The following AMDHD2 variants were observed in gnomAD, a reference collection of about 807,000 sequenced individuals.
AMDHD2 encodes the protein amidohydrolase domain containing 2.
AMDHD2 carries 24 observed loss-of-function variants against 41.8 expected under a neutral mutation model. The observed-to-expected ratio is 0.57, with a 90% confidence interval of 0.42 to 0.81. The LOEUF (loss-of-function observed/expected upper bound fraction) is 0.81, where lower values mean the gene tolerates loss of function less well. Among genes scored for constraint, AMDHD2 ranks in the 30% least tolerant of loss-of-function variants. AMDHD2 has a pLI of 0.00. For synonymous variants in AMDHD2, 332 were observed against 255.5 expected (o/e 1.30, Z -2.85); for missense variants, 540 against 588.5 (o/e 0.92, Z 0.85).
Position 2,527,526 on chromosome 16 carries a change from TG to T in AMDHD2, c.361-30del. On this transcript the variant is annotated intron_variant, in intron 3 of 10. Transcript: ENST00000293971. The surrounding 1 kb of genome is among the most constrained non-coding windows in gnomAD (Gnocchi z 6.1). The stretch of plus-strand genomic sequence containing the variant: ...GGCTGTGGCCTCTGGGAATGGGCTG[TG>T]GGGGACAGGGCTTTAACAGCTGGTT... The T allele has an allele frequency of 1.9e-6, 3 of 1,601,836 alleles. No homozygotes were observed. Among genetic ancestry groups the T allele is most frequent in the Non-Finnish European group, 2.6e-6 (3 of 1,174,666 alleles).
intron 3 of AMDHD2, among the ~76,000 whole-genome samples, chr16:2,521,612 T>C (rs1005446692): frequency 8.5e-5 from 13 of 152,156 alleles, no homozygotes; most frequent in African/African-American, 3.1e-4. Context: ...GGAAGAAATT[T>C]GGTTGTCCTT....
intron 3 of AMDHD2, among the ~76,000 whole-genome samples, chr16:2,522,510 T>C (rs1596990926): frequency 1.3e-5 from 2 of 152,180 alleles, no homozygotes; most frequent in East Asian, 3.9e-4. Flanking sequence ...ACCCCGTCTC[T>C]ACTAAAAATA....
chr16:2,529,415 C>T, intron 10 of AMDHD2, 60 bp from the exon 11 acceptor site: 2 of 1,598,884 alleles, frequency 1.3e-6, no homozygotes, highest in Admixed American at 3.3e-5. Flanking sequence ...TGGGGAGCAG[C>T]TCTGGGGTAG....
In AMDHD2 at chr16:2,520,811, G is replaced by C. The variant is rs769452568; in HGVS notation, c.126G>C (p.Glu42Asp). The change falls in exon 2 of 11, where the codon GAG becomes GAC. Residue 42 changes from glutamate to aspartate, a missense_variant. Glu to Asp is a conservative substitution (Grantham distance 45). Transcript: ENST00000293971. ...GCGGAGGCCGCATCTTGGACCCAGA[G>C]AAGCTGTTCTTTGAGGAGCGGCGCG... is the stretch of plus-strand genomic sequence containing the variant. ...WVRGGRILDP[E>D]KLFFEERRVA... The C allele has an allele frequency of 6.2e-7, 1 of 1,610,574 alleles. No individual in the cohort carries two copies. Among genetic ancestry groups the C allele is most frequent in the African/African-American group, 1.3e-5 (1 of 74,916 alleles).
intron 3 of AMDHD2, among the ~76,000 whole-genome samples, chr16:2,521,541 C>G (rs1202021815): frequency 6.6e-6 from 1 of 152,156 alleles, no homozygotes; most frequent in African/African-American, 2.4e-5. Flanking sequence ...ACACGCCTTC[C>G]AGAAGAGACT....
In AMDHD2 at chr16:2,530,265, C is replaced by G. The variant is rs771936166; in HGVS notation, c.*702C>G. The G allele has an allele frequency of 2.9e-5, 46 of 1,611,226 alleles. No homozygotes were observed. Among genetic ancestry groups the G allele is most frequent in the Non-Finnish European group, 3.5e-5 (41 of 1,178,862 alleles). On this transcript the variant is annotated 3_prime_UTR_variant, in exon 11 of 11. Coordinates refer to ENST00000293971, the MANE Select transcript of AMDHD2 (RefSeq NM_001330449.2). ...TCTTCACACATCCCCAGGCCCAGTG[C>G]TTGCCGGCTGTGGTGACCCTGCCTG... is the stretch of plus-strand genomic sequence containing the variant.
In AMDHD2 at chr16:2,520,865, C is replaced by T. The variant is rs1001672285; in HGVS notation, c.180C>T (p.Gly60=). Residue 60 remains glycine (G), a synonymous_variant, in exon 2 of 11, where the codon GGC becomes GGT. Transcript: ENST00000293971. ...RVADERRDCG[G]RILAPGFIDV... Reference sequence around the variant, plus strand: ...CCGACGAGCGGCGGGACTGCGGGGGCCGCATCTTGGCTCCCGGATTCATCG... The same window carrying T: ...CCGACGAGCGGCGGGACTGCGGGGGTCGCATCTTGGCTCCCGGATTCATCG... The T allele has an allele frequency of 2.5e-6, 4 of 1,610,944 alleles. No homozygotes were observed. The highest frequency in any genetic ancestry group is 2.7e-5 in the African/African-American group (2 of 74,884).
At position 2,530,820 on chromosome 16, in the gene AMDHD2, C is replaced by T. The variant is rs1259847740; in HGVS notation, c.*1257C>T. The T allele has an allele frequency of 2.5e-6, 4 of 1,613,708 alleles. No homozygotes were observed. Among genetic ancestry groups the T allele is most frequent in the Non-Finnish European group, 3.4e-6 (4 of 1,179,982 alleles). On this transcript the variant is annotated 3_prime_UTR_variant, in exon 11 of 11. Coordinates refer to ENST00000293971, the MANE Select transcript of AMDHD2 (RefSeq NM_001330449.2). ...CAGCCCACAAGCCCCAGGGGCAGCC[C>T]AGGAAAGCAGGCGACGGATGTGGAT...
chr16:2,530,152 G>A lies in AMDHD2; in HGVS notation c.*589G>A, dbSNP rs561108066. On this transcript the variant is annotated 3_prime_UTR_variant, in exon 11 of 11. Transcript: ENST00000293971. ...GACCTCCAGGAGGGAGACTGGGCCC[G>A]GGACCCCTGTTTTCTGCTCCCTGGA... 10 of 1,426,242 alleles carry A rather than the reference G, an allele frequency of 7.0e-6. No individual in the cohort carries two copies. Among genetic ancestry groups the A allele is most frequent in the East Asian group, 5.0e-5 (2 of 40,074 alleles). The allele number at this position is 1,426,242 out of a possible 1,614,324, so 88.3% of individuals were successfully genotyped here. A position where few individuals can be genotyped will look rare whatever the true frequency, so the allele number is the denominator to read the frequency against.
chr16:2,530,496 T>A lies in AMDHD2; in HGVS notation c.*933T>A. The stretch of plus-strand genomic sequence containing the variant: ...CACAGTGGGGTCAGACGTCAGGGAT[T>A]GGTGCAGCCCCACGTCAGGGGTGAT... On this transcript the variant is annotated 3_prime_UTR_variant, in exon 11 of 11. Transcript: ENST00000293971. 1 of 1,614,114 alleles carries A rather than the reference T, an allele frequency of 6.2e-7. No homozygotes were observed. Among genetic ancestry groups the A allele is most frequent in the Non-Finnish European group, 8.5e-7 (1 of 1,179,980 alleles).
chr16:2,522,327 C>T (rs564411360), intron 3 of AMDHD2, among the ~76,000 whole-genome samples: 1 of 152,280 alleles, frequency 6.6e-6, no homozygotes, highest in African/African-American at 2.4e-5. Context: ...AGAGATCCTC[C>T]TGTCTTAGTC....
chr16:2,529,141 A>G (rs1355813542), intron 10 of AMDHD2, 46 bp downstream of exon 10: 2 of 1,480,094 alleles, frequency 1.4e-6, no homozygotes, highest in Admixed American at 2.5e-5. Flanking sequence ...CCCTGCCTGT[A>G]GACTCTGTTG....
rs1203190050 is a variant in AMDHD2, at chr16:2,528,137, G to A, written c.706G>A (p.Ala236Thr). 4 of 1,613,030 alleles carry A rather than the reference G, an allele frequency of 2.5e-6. No homozygotes were observed. Among genetic ancestry groups the A allele is most frequent in the Admixed American group, 1.7e-5 (1 of 60,024 alleles). The change falls in exon 6 of 11, where the codon GCC becomes ACC. Residue 236 changes from alanine (A) to threonine (T), a missense_variant. Coordinates refer to ENST00000293971, the MANE Select transcript of AMDHD2 (RefSeq NM_001330449.2). ...GATFITHLFN[A>T]MLPFHHRDPG... is the part of the protein sequence containing the mutation. ...CACCTTCATCACCCACCTCTTCAAC[G>A]CCATGCTGCCTGTGAGTGCTATGGG... is the stretch of plus-strand genomic sequence containing the variant.
rs145505172 is a variant in AMDHD2, at chr16:2,530,881, C to T, written c.*1318C>T. The T allele has an allele frequency of 6.2e-7, 1 of 1,613,586 alleles. No homozygotes were observed. Among genetic ancestry groups the T allele is most frequent in the Non-Finnish European group, 8.5e-7 (1 of 1,179,990 alleles). On this transcript the variant is annotated 3_prime_UTR_variant, in exon 11 of 11. Coordinates refer to ENST00000293971, the MANE Select transcript of AMDHD2 (RefSeq NM_001330449.2). Reference sequence around the variant, plus strand: ...TGAGAGGTGTGAGGTGCAGGGATACCCACCTCTGCCTTGACGGCCGCGCAC... The same window carrying T: ...TGAGAGGTGTGAGGTGCAGGGATACTCACCTCTGCCTTGACGGCCGCGCAC...
Position 2,520,405 on chromosome 16 carries a change from C to G in AMDHD2, c.-54C>G. On this transcript the variant is annotated 5_prime_UTR_variant, in exon 1 of 11. Transcript: ENST00000293971. ...CTCGGCTGGGGTTCGTCACTGGGCG[C>G]GGGATTTGGCCGCCGCGGGGCTCCG... is the stretch of plus-strand genomic sequence containing the variant. 8.2e-7 allele frequency: 1 copy of G among 1,212,364 alleles called. No individual in the cohort carries two copies. The highest frequency in any genetic ancestry group is 1.0e-6 in the Non-Finnish European group (1 of 971,476). The allele number at this position is 1,212,364 out of a possible 1,614,324, so 75.1% of individuals were successfully genotyped here.
intron 3 of AMDHD2, among the ~76,000 whole-genome samples, chr16:2,524,835 C>T (rs887789342): frequency 2.6e-5 from 4 of 152,072 alleles, no homozygotes; most frequent in Admixed American, 6.6e-5. Context: ...CGTGAGTCCT[C>T]TTAGCCCCTT....
intron 9 of AMDHD2, 62 bp from the exon 10 acceptor site, chr16:2,528,932 G>T: frequency 6.6e-7 from 1 of 1,516,440 alleles, no homozygotes; most frequent in Non-Finnish European, 8.9e-7. Context: ...TGGTGTGGTT[G>T]GGGGCTGTTG....
At chr16:2,528,766 G>A (rs2066043770) in intron 9 of AMDHD2, 48 bp downstream of exon 9, 1 of 1,602,436 alleles carries the variant, frequency 6.2e-7, no homozygotes. Flanking sequence ...TGAGTGGTGG[G>A]TCCCCAAGGG....
Position 2,528,501 on chromosome 16 carries a change from C to T in AMDHD2, c.912C>T (p.Gly304=). The T allele has an allele frequency of 6.2e-7, 1 of 1,612,862 alleles. No individual in the cohort carries two copies. The highest frequency in any genetic ancestry group is 8.5e-7 in the Non-Finnish European group (1 of 1,179,916). The change falls in exon 8 of 11, where the codon GGC becomes GGT. Residue 304 remains glycine (G), a synonymous_variant. Transcript: ENST00000293971. The part of the protein sequence containing the change: ...DAIPALGLGN[G]RHTLGQQEVE... ...TCCCTGCCTTGGGCCTGGGCAACGG[C>T]CGGCACACGCTGGGACAGCAGGAAG...
Sources: allele counts gnomAD v4.1 joint callset (sites outside exome capture counted in the v4.1 genomes callset), GRCh38; gene constraint gnomAD v4.1.1; non-coding constraint Gnocchi (gnomAD v3.1); transcripts MANE v1.5; gene names NCBI Gene and HGNC (gene_info 2026-07-23, HGNC 2026-07-21).